The following FER1L6 variants were observed in gnomAD, a reference collection of about 807,000 sequenced individuals.
The protein encoded by FER1L6 is fer-1 like family member 6.
FER1L6 carries 177 observed loss-of-function variants against 219.2 expected under a neutral mutation model. The observed-to-expected ratio is 0.81, with a 90% CI of 0.71 to 0.91. FER1L6 has a LOEUF of 0.91. Ranked by LOEUF, FER1L6 falls within the 40% of genes least tolerant of loss-of-function variation. The pLI is 0.00. For missense variants in FER1L6, 2,153 were observed against 2,259.9 expected (o/e 0.95, Z 0.96); for synonymous variants, 768 against 824.3 (o/e 0.93, Z 1.17).
intron 31 of FER1L6, among the ~76,000 whole-genome samples, chr8:124,075,074 T>C (rs1431351154): frequency 2.0e-5 from 3 of 152,230 alleles, no homozygotes; most frequent in African/African-American, 7.2e-5. Context: ...CTGTGGAGTT[T>C]AGAAACACTG....
At chr8:124,048,528 A>G (rs1819837788) in intron 21 of FER1L6, among the ~76,000 whole-genome samples, 1 of 152,244 alleles carries the variant, frequency 6.6e-6, no homozygotes, top group Non-Finnish European at 1.5e-5. Flanking sequence ...TACTTCTTAT[A>G]GAAACATATG....
At chr8:124,107,925 T>C (rs28413919) in intron 39 of FER1L6, among the ~76,000 whole-genome samples, 6,011 of 152,256 alleles carry the variant, frequency 0.039, 367 homozygotes, top group African/African-American at 0.13. Context: ...CCACAGAGGA[T>C]TTCCGTGCAT....
intron 22 of FER1L6, among the ~76,000 whole-genome samples, chr8:124,054,133 G>T (rs544574820): frequency 5.6e-4 from 85 of 152,186 alleles, no homozygotes; most frequent in African/African-American, 2.0e-3. Flanking sequence ...TCATCTGAAC[G>T]TTACATTGGC....
At chr8:123,935,029 C>T (rs1195148293) in intron 1 of FER1L6, among the ~76,000 whole-genome samples, 5 of 152,124 alleles carry the variant, frequency 3.3e-5, no homozygotes, top group African/African-American at 2.4e-5. Flanking sequence ...TTATAAATTG[C>T]GCAGTCTCAG....
chr8:123,892,322 C>T (rs543520234), intron 1 of FER1L6, among the ~76,000 whole-genome samples: 6 of 151,918 alleles, frequency 3.9e-5, no homozygotes, highest in Non-Finnish European at 5.9e-5. Context: ...GATGGAGTCT[C>T]GCACTGTCGC....
rs144004870 is a variant in FER1L6, at chr8:124,082,126, C to A, written c.4221-162C>A. ...ACAGAGTTGAAAATTGTTTGTACTG[C>A]AATGAAAAATTAAACCAAACAAATA... On this transcript the variant is annotated intron_variant, in intron 32 of 40. Transcript: ENST00000522917. Among the ~76,000 whole-genome samples the A allele has an allele frequency of 6.0e-3, 908 of 152,230 alleles. 7 individuals are homozygous for A. The highest frequency in any genetic ancestry group is 0.02 in the African/African-American group (843 of 41,550).
intron 32 of FER1L6, among the ~76,000 whole-genome samples, chr8:124,080,524 G>A (rs1014200132): frequency 6.6e-6 from 1 of 152,052 alleles, no homozygotes; most frequent in African/African-American, 2.4e-5. Flanking sequence ...CACCATGTTG[G>A]CCAGGCTTGT....
chr8:123,951,890 T>C (rs1814783823), intron 1 of FER1L6, among the ~76,000 whole-genome samples: 1 of 152,200 alleles, frequency 6.6e-6, no homozygotes, highest in South Asian at 2.1e-4. Context: ...GGGCCAGTAC[T>C]GGGCATGCTG....
chr8:123,986,763 G>A (rs1816605147), intron 12 of FER1L6, among the ~76,000 whole-genome samples: 1 of 152,164 alleles, frequency 6.6e-6, no homozygotes, highest in Non-Finnish European at 1.5e-5. Flanking sequence ...GTGAGAACAT[G>A]TGAAGTTTGT....
intron 35 of FER1L6, 137 bp downstream of exon 35, chr8:124,095,175 G>GCAACCCCACCTACTT: frequency 1.7e-6 from 2 of 1,205,578 alleles, no homozygotes; most frequent in Non-Finnish European, 2.3e-6. Flanking sequence ...GTCACAAGTA[G>GCAACCCCACCTACTT]GTGGGGTTGC....
At chr8:123,974,516 G>T (rs1266750047) in intron 7 of FER1L6, among the ~76,000 whole-genome samples, 1 of 151,660 alleles carries the variant, frequency 6.6e-6, no homozygotes, top group Non-Finnish European at 1.5e-5. Context: ...CACACCTGTA[G>T]TCCCAGCTAC....
intron 1 of FER1L6, among the ~76,000 whole-genome samples, chr8:123,946,547 C>A (rs1184036103): frequency 6.6e-6 from 1 of 152,178 alleles, no homozygotes; most frequent in Non-Finnish European, 1.5e-5. Flanking sequence ...AGCCACGGTG[C>A]CCGGGCTGCA....
At chr8:123,969,885 A>AG in intron 5 of FER1L6, 150 bp from the exon 6 acceptor site, 10 of 531,208 alleles carry the variant, frequency 1.9e-5, no homozygotes, top group Non-Finnish European at 6.9e-6. Flanking sequence ...AAAAAAAAAA[A>AG]AGAGAATTGA....
intron 1 of FER1L6, among the ~76,000 whole-genome samples, chr8:123,915,036 CTT>C (rs56930256): frequency 2.7e-5 from 4 of 146,866 alleles, no homozygotes; most frequent in African/African-American, 1.0e-4. Context: ...GTATTACATG[CTT>C]TTTTTTTTTT....
intron 20 of FER1L6, among the ~76,000 whole-genome samples, chr8:124,042,013 G>C (rs1009742982): frequency 1.3e-5 from 2 of 152,114 alleles, no homozygotes; most frequent in Admixed American, 6.5e-5. Context: ...GTGACTGCTT[G>C]TTGTTGTTGT....
chr8:124,079,343 C>G (rs1056796608), intron 32 of FER1L6, among the ~76,000 whole-genome samples: 4 of 152,128 alleles, frequency 2.6e-5, no homozygotes, highest in African/African-American at 9.7e-5. Context: ...TGCTTTTGCT[C>G]TTTATTATGA....
intron 1 of FER1L6, among the ~76,000 whole-genome samples, chr8:123,943,604 G>A (rs1418691193): frequency 6.6e-6 from 1 of 152,116 alleles, no homozygotes; most frequent in Non-Finnish European, 1.5e-5. Context: ...CCTTCCTGCT[G>A]GGCCGACCTC....
At position 124,049,800 on chromosome 8, in the gene FER1L6, G is replaced by C. The variant is rs753848774; in HGVS notation, c.2874+44G>C. ...GCACGAGATCTATTAGGTCTACCTG[G>C]CCAGAGAAGTGGCCTCACCACAAAT... On this transcript the variant is annotated intron_variant, in intron 22 of 40. Transcript: ENST00000522917. The C allele has an allele frequency of 1.5e-5, 24 of 1,607,086 alleles. 1 individual carries two copies. In the East Asian group the frequency reaches 5.4e-4, roughly 36 times the overall value.
intron 24 of FER1L6, among the ~76,000 whole-genome samples, chr8:124,061,233 G>T (rs1176522338): frequency 6.6e-6 from 1 of 152,060 alleles, no homozygotes; most frequent in East Asian, 1.9e-4. Context: ...GATTTTTTTT[G>T]ACATCTGTGC....
Sources: gnomAD v4.1 joint callset for allele counts (sites outside exome capture counted in the v4.1 genomes callset) on GRCh38, gnomAD v4.1.1 for gene constraint, MANE v1.5 for transcripts, NCBI Gene and HGNC (gene_info 2026-07-23, HGNC 2026-07-21) for gene names.